Variants in CMYA5 observed in about 807,000 individuals in gnomAD.
CMYA5 encodes the protein cardiomyopathy associated 5, also known as cardiomyopathy-associated protein 5.
Under a neutral mutation model 318.9 loss-of-function variants are expected in CMYA5, and 246 were observed. The observed-to-expected ratio is 0.77, with a 90% CI of 0.70 to 0.86. The LOEUF is 0.86. Ranked by LOEUF, CMYA5 falls within the 40% of genes least tolerant of loss-of-function variation. The probability of loss-of-function intolerance (pLI) is 0.00; values close to 1 mark genes in which losing one functional copy is unlikely to be tolerated. For missense variants in CMYA5, 4,589 were observed against 4,678.2 expected, an observed-to-expected ratio of 0.98 and a Z score of 0.56; for synonymous variants, 1,641 against 1,729.5, an observed-to-expected ratio of 0.95 and a Z score of 1.27.
At chr5:79,771,419 TTCAGAGGCAAGA>T (rs1828854704) in intron 9 of CMYA5, among the ~76,000 whole-genome samples, 1 of 152,290 alleles carries the variant, frequency 6.6e-6, no homozygotes, top group South Asian at 2.1e-4. Context: ...ACCCAGCTCT[TTCAGAGGCAAGA>T]TCAGCCTGCT....
In CMYA5 at chr5:79,690,013, G is replaced by C; in HGVS notation, c.106G>C (p.Glu36Gln). 1 of 1,491,062 alleles carries C rather than the reference G, an allele frequency of 6.7e-7. No homozygotes were observed. Among genetic ancestry groups the C allele is most frequent in the Non-Finnish European group, 9.0e-7 (1 of 1,114,194 alleles). 92.4% of individuals were successfully genotyped at this position (1,491,062 alleles called of 1,614,324 possible). A position where few individuals can be genotyped will look rare whatever the true frequency, so the allele number is the denominator to read the frequency against. Residue 36 changes from glutamate (E) to glutamine (Q), a missense_variant, in exon 1 of 13, where the codon GAG becomes CAG. This residue lies in a region of CMYA5 where 2,132 missense variants were observed against 2,131.3 expected (regional missense o/e 1.00). Transcript: ENST00000446378. ...GACCGAGGAGGAGTCGGAGGGCGAG[G>C]AGGACGAGACGGCGGCGGAGTCGGA... ...LETEEESEGEEDETAAESEEE... is the reference protein window; with the variant it reads ...LETEEESEGEQDETAAESEEE...
intron 4 of CMYA5, among the ~76,000 whole-genome samples, chr5:79,745,746 G>A (rs1828310819): frequency 6.6e-6 from 1 of 152,128 alleles, no homozygotes; most frequent in African/African-American, 2.4e-5. Flanking sequence ...CTAAGAGGGA[G>A]GGAAAGAAGC....
intron 6 of CMYA5, among the ~76,000 whole-genome samples, chr5:79,755,382 G>A (rs934831139): frequency 1.3e-5 from 2 of 152,022 alleles, no homozygotes; most frequent in South Asian, 2.1e-4. Flanking sequence ...CGCCTCCCGG[G>A]TTCAAGCCAT....
At chr5:79,756,017 C>G (rs1465444866) in intron 6 of CMYA5, among the ~76,000 whole-genome samples, 1 of 152,208 alleles carries the variant, frequency 6.6e-6, no homozygotes, top group Non-Finnish European at 1.5e-5. Context: ...TTTCACTGTT[C>G]ATGCCTCAAG....
intron 5 of CMYA5, among the ~76,000 whole-genome samples, chr5:79,752,007 C>A (rs1006057534): frequency 6.6e-6 from 1 of 152,180 alleles, no homozygotes; most frequent in Non-Finnish European, 1.5e-5. Context: ...TTGTTTAAAT[C>A]CACATTTCAT....
intron 10 of CMYA5, among the ~76,000 whole-genome samples, chr5:79,789,673 C>T (rs184924221): frequency 6.6e-6 from 1 of 152,130 alleles, no homozygotes; most frequent in Non-Finnish European, 1.5e-5. Flanking sequence ...GATCTGCCCG[C>T]CTCAGCCTCC....
chr5:79,790,881 G>T, intron 10 of CMYA5, 89 bp from the exon 11 acceptor site: 1 of 797,232 alleles, frequency 1.3e-6, no homozygotes, highest in South Asian at 1.6e-5. Flanking sequence ...TCAGGGGAAA[G>T]AGTCTAGGGT....
intron 5 of CMYA5, among the ~76,000 whole-genome samples, 188 bp from the exon 6 acceptor site, chr5:79,752,488 C>T (rs59188057): frequency 0.031 from 4,793 of 152,184 alleles, 248 homozygotes; most frequent in African/African-American, 0.11. Flanking sequence ...TTACCAGTTG[C>T]CTAAGAATAG....
Position 79,729,807 on chromosome 5 carries a change from A to G in CMYA5, c.1042A>G (p.Ser348Gly), listed in dbSNP as rs1192951308. 1.2e-6 allele frequency: 2 copies of G among 1,613,678 alleles called. No homozygotes were observed. Among genetic ancestry groups the G allele is most frequent in the Non-Finnish European group, 1.7e-6 (2 of 1,179,802 alleles). ...LEHTVPSYSS[S>G]GRAEQGIQLR... is the part of the protein sequence containing the mutation. ...GCACACAGTTCCCTCTTATTCAAGT[A>G]GTGGCAGAGCAGAACAAGGAATACA... The change falls in exon 2 of 13, where the codon AGT (serine) becomes GGT (glycine). Residue 348 changes from serine to glycine, a missense_variant. Physicochemically the swap from Ser to Gly is moderately conservative, Grantham distance 56. Transcript: ENST00000446378.
At chr5:79,723,863 A>T in intron 1 of CMYA5, among the ~76,000 whole-genome samples, 1 of 152,198 alleles carries the variant, frequency 6.6e-6, no homozygotes, top group East Asian at 1.9e-4. Context: ...GTATTAGCAA[A>T]CAAGAAAATC....
chr5:79,799,041 A>T (rs1829325324), intron 12 of CMYA5, among the ~76,000 whole-genome samples: 1 of 152,218 alleles, frequency 6.6e-6, no homozygotes. Flanking sequence ...AAAGAATGAC[A>T]CGCCATGAAT....
chr5:79,760,169 AT>A (rs552673224), intron 7 of CMYA5, among the ~76,000 whole-genome samples: 29,915 of 149,326 alleles, frequency 0.2, 3,050 homozygotes, highest in East Asian at 0.35. Context: ...TTCTTATCAA[AT>A]AGTTGTTGCT....
chr5:79,707,968 G>A (rs1329910888), intron 1 of CMYA5, among the ~76,000 whole-genome samples: 2 of 152,180 alleles, frequency 1.3e-5, no homozygotes, highest in Non-Finnish European at 1.5e-5. Context: ...TGGGCAAAAG[G>A]CCCTAGAGTG....
chr5:79,771,210 T>A (rs6453482), intron 9 of CMYA5, among the ~76,000 whole-genome samples: 2 of 152,088 alleles, frequency 1.3e-5, no homozygotes, highest in Admixed American at 6.5e-5. Flanking sequence ...GCTACTCAGC[T>A]CGTATTAGCA....
In CMYA5 at chr5:79,730,175, C is replaced by T. The variant is rs369010660; in HGVS notation, c.1410C>T (p.Ser470=). 1.3e-4 allele frequency: 210 copies of T among 1,613,938 alleles called. 2 individuals carry two copies. In the South Asian group the frequency reaches 1.4e-3, roughly 11 times the overall value. The change falls in exon 2 of 13, where the codon TCC becomes TCT. Residue 470 remains serine (S), a synonymous_variant. Coordinates refer to ENST00000446378, the MANE Select transcript of CMYA5 (RefSeq NM_153610.5). Reference sequence around the variant, plus strand: ...CAATAGAAAGGGCAGAACCAGTCTCCGCAAAACTGACCCCTACCCATCCCA... The same window carrying T: ...CAATAGAAAGGGCAGAACCAGTCTCTGCAAAACTGACCCCTACCCATCCCA... ...LTSIERAEPV[S]AKLTPTHPSV...
In CMYA5 at chr5:79,736,323, A is replaced by C; in HGVS notation, c.7558A>C (p.Asn2520His). The stretch of plus-strand genomic sequence containing the variant: ...TGCTATGCCACAGCACTTCTATCAA[A>C]ATGAAGACTACAATGAAAGACCCAA... Reference protein sequence around the residue: ...ADAMPQHFYQNEDYNERPKII... With the variant: ...ADAMPQHFYQHEDYNERPKII... The change falls in exon 2 of 13, where the codon AAT becomes CAT. Residue 2520 changes from asparagine (N) to histidine (H), a missense_variant. This residue lies in a region of CMYA5 where 2,431 missense variants were observed against 2,495.1 expected (regional missense o/e 0.97). Transcript: ENST00000446378. 6.2e-7 allele frequency: 1 copy of C among 1,613,648 alleles called. No individual in the cohort carries two copies. The highest frequency in any genetic ancestry group is 8.5e-7 in the Non-Finnish European group (1 of 1,179,784).
chr5:79,763,173 A>G lies in CMYA5; in HGVS notation c.11519A>G (p.Tyr3840Cys). Reference protein sequence around the residue: ...PEATETYTLEYCRQHSPEGEG... With the variant: ...PEATETYTLECCRQHSPEGEG... The stretch of plus-strand genomic sequence containing the variant: ...GCCACGGAGACCTACACTCTGGAGT[A>G]CTGCAGACAGCACTCTCCTGAGGGA... The change falls in exon 9 of 13, where the codon TAC becomes TGC. Residue 3840 changes from tyrosine (Y) to cysteine (C), a missense_variant. Physicochemically the swap from Tyr to Cys is radical, Grantham distance 194 (BLOSUM62 -2). Around this residue, in one of 3 missense-constraint regions of CMYA5, gnomAD observed 2,431 missense variants for 2,495.1 expected, o/e 0.97. Transcript: ENST00000446378. The G allele has an allele frequency of 6.2e-7, 1 of 1,611,538 alleles. No individual in the cohort carries two copies. Among genetic ancestry groups the G allele is most frequent in the Non-Finnish European group, 8.5e-7 (1 of 1,179,156 alleles).
intron 1 of CMYA5, among the ~76,000 whole-genome samples, chr5:79,724,778 C>T (rs1162907754): frequency 3.3e-5 from 5 of 152,186 alleles, no homozygotes; most frequent in Admixed American, 3.3e-4. Context: ...GTAATACTGC[C>T]ATGGCTTTAC....
rs1424840801 is a variant in CMYA5 at position 79,729,443 on chromosome 5, A to T, written c.678A>T (p.Gln226His). 6.2e-7 allele frequency: 1 copy of T among 1,613,006 alleles called. No homozygotes were observed. Among genetic ancestry groups the T allele is most frequent in the Non-Finnish European group, 8.5e-7 (1 of 1,179,432 alleles). ...VLRPVYIGTVQYKIKMFNSVK... is the reference protein window; with the variant it reads ...VLRPVYIGTVHYKIKMFNSVK... ...GACCAGTCTACATAGGAACAGTACA[A>T]TATAAAATTAAGATGTTTAATTCGG... The change falls in exon 2 of 13, where the codon CAA (glutamine) becomes CAT (histidine). Residue 226 changes from glutamine to histidine, a missense_variant. Physicochemically the swap from Gln to His is conservative, Grantham distance 24. Coordinates refer to ENST00000446378, the MANE Select transcript of CMYA5 (RefSeq NM_153610.5).
Sources: allele counts gnomAD v4.1 joint callset (sites outside exome capture counted in the v4.1 genomes callset), GRCh38; gene constraint gnomAD v4.1.1; regional missense constraint gnomAD v4.1.1; transcripts MANE v1.5; gene names NCBI Gene and HGNC (gene_info 2026-07-23, HGNC 2026-07-21).